SOX30: variants seen among roughly 807,000 people sequenced by gnomAD.
SOX30 encodes transcription factor SOX-30.
A neutral mutation model predicts 58.6 loss-of-function variants in SOX30; 17 were observed. That is an observed-to-expected ratio of 0.29 (90% CI 0.20 to 0.44). The LOEUF (loss-of-function observed/expected upper bound fraction) is 0.44. SOX30 is among the 20% of genes least tolerant of loss of function. The pLI is 1.00. For missense variants in SOX30, 951 were observed against 965.8 expected (o/e 0.98, Z 0.20); for synonymous variants, 421 against 400.2 (o/e 1.05, Z -0.62).
At chr5:157,647,592 C>A (rs1442233239) in intron 2 of SOX30, among the ~76,000 whole-genome samples, 2 of 151,108 alleles carry the variant, frequency 1.3e-5, no homozygotes, top group Non-Finnish European at 3.0e-5. Flanking sequence ...TCTCACTCTG[C>A]CGCCCAGGCT....
intron 2 of SOX30, among the ~76,000 whole-genome samples, chr5:157,664,975 T>C (rs1230180815): frequency 1.3e-5 from 2 of 152,102 alleles, no homozygotes; most frequent in African/African-American, 2.4e-5. Context: ...GGTGGAAAAA[T>C]AGGAACACTT....
intron 2 of SOX30, among the ~76,000 whole-genome samples, chr5:157,665,735 G>A (rs1759658596): frequency 6.7e-6 from 1 of 148,154 alleles, no homozygotes; most frequent in African/African-American, 2.5e-5. Context: ...ACTATATGGA[G>A]CCCTTAAGTG....
intron 4 of SOX30, among the ~76,000 whole-genome samples, chr5:157,636,333 A>G (rs1758926813): frequency 6.6e-6 from 1 of 151,280 alleles, no homozygotes. Context: ...AAATTTACTC[A>G]TTCATTAAAT....
chr5:157,629,403 TA>T (rs962634919), intron 4 of SOX30, among the ~76,000 whole-genome samples: 2 of 152,200 alleles, frequency 1.3e-5, no homozygotes, highest in African/African-American at 4.8e-5. Flanking sequence ...GCTTGGTAGA[TA>T]ATTTTTTAAA....
chr5:157,664,386 G>T (rs554041083), intron 2 of SOX30, among the ~76,000 whole-genome samples: 1 of 152,318 alleles, frequency 6.6e-6, no homozygotes, highest in East Asian at 1.9e-4. Context: ...AAACTGGCTA[G>T]CCATAGATAG....
chr5:157,665,688 A>AT (rs1490563193), intron 2 of SOX30, among the ~76,000 whole-genome samples: 2 of 147,670 alleles, frequency 1.4e-5, no homozygotes, highest in Non-Finnish European at 3.0e-5. Context: ...AATAATTATA[A>AT]TTTATAATTT....
intron 4 of SOX30, among the ~76,000 whole-genome samples, chr5:157,637,927 C>T (rs1055964532): frequency 7.2e-5 from 11 of 152,194 alleles, no homozygotes; most frequent in African/African-American, 2.4e-4. Flanking sequence ...CTCCTGACCT[C>T]GAGTTACCCA....
chr5:157,662,000 A>G (rs1759587557), intron 2 of SOX30, among the ~76,000 whole-genome samples: 2 of 152,304 alleles, frequency 1.3e-5, no homozygotes, highest in East Asian at 1.9e-4. Flanking sequence ...AGAAGATTCT[A>G]AAATAATTTA....
intron 4 of SOX30, among the ~76,000 whole-genome samples, chr5:157,631,357 C>A (rs1022017193): frequency 2.0e-5 from 3 of 151,988 alleles, no homozygotes; most frequent in Non-Finnish European, 4.4e-5. Context: ...AAAAATGAAC[C>A]GTACTCTCAC....
At chr5:157,633,171 A>T (rs928947965) in intron 4 of SOX30, among the ~76,000 whole-genome samples, 20 of 152,120 alleles carry the variant, frequency 1.3e-4, no homozygotes, top group Admixed American at 2.6e-4. Context: ...CAGGGTCAAG[A>T]CCTCATCTTT....
At chr5:157,643,919 G>A (rs999536154) in intron 3 of SOX30, among the ~76,000 whole-genome samples, 18 of 152,032 alleles carry the variant, frequency 1.2e-4, no homozygotes, top group Non-Finnish European at 2.1e-4. Context: ...CTTCACAAAT[G>A]ATTTAGAATA....
chr5:157,667,879 T>G, intron 1 of SOX30: 1 of 1,534,914 alleles, frequency 6.5e-7, no homozygotes, highest in South Asian at 1.2e-5. Flanking sequence ...GGAACTTCTG[T>G]TTACTGAGCA....
chr5:157,663,550 G>T (rs376002091), intron 2 of SOX30, among the ~76,000 whole-genome samples: 2 of 152,108 alleles, frequency 1.3e-5, no homozygotes, highest in East Asian at 3.8e-4. Flanking sequence ...CACAAGACAG[G>T]GATGCCCTCT....
At chr5:157,671,346 C>T (rs1241109259) in exon 1 of SOX30, 13 of 513,548 alleles carry the variant, frequency 2.5e-5, no homozygotes, top group Non-Finnish European at 4.1e-5. Context: ...CCACTTCTTC[C>T]AGACCCGTCC....
At chr5:157,640,535 C>G (rs942908727) in intron 3 of SOX30, among the ~76,000 whole-genome samples, 1 of 152,090 alleles carries the variant, frequency 6.6e-6, no homozygotes, top group Admixed American at 6.6e-5. Context: ...ACCACCCCCA[C>G]TGACACCATA....
intron 4 of SOX30, among the ~76,000 whole-genome samples, chr5:157,635,503 G>A (rs748385232): frequency 2.0e-5 from 3 of 151,920 alleles, no homozygotes; most frequent in Admixed American, 6.6e-5. Context: ...AGGCACCTGT[G>A]GTCCCAGCTA....
upstream of SOX30, among the ~76,000 whole-genome samples, chr5:157,657,121 A>C (rs72813209): frequency 0.042 from 6,383 of 152,290 alleles, 211 homozygotes; most frequent in South Asian, 0.099. Context: ...CATTTGGCTT[A>C]TTTGGTACAA....
intron 4 of SOX30, among the ~76,000 whole-genome samples, chr5:157,634,308 G>C (rs1161045825): frequency 1.3e-5 from 2 of 152,082 alleles, no homozygotes; most frequent in African/African-American, 4.8e-5. Context: ...TCACCTCCCA[G>C]GCTCAAGTGA....
chr5:157,637,888 T>G (rs1395590395), intron 4 of SOX30, among the ~76,000 whole-genome samples: 2 of 152,030 alleles, frequency 1.3e-5, no homozygotes, highest in African/African-American at 2.4e-5. Context: ...GAGACAGAGT[T>G]TTACCATGTT....
Sources: allele counts gnomAD v4.1 joint callset (sites outside exome capture counted in the v4.1 genomes callset), GRCh38; gene constraint gnomAD v4.1.1; transcripts MANE v1.5; gene names NCBI Gene and HGNC (gene_info 2026-07-23, HGNC 2026-07-21).